Variants in UCK2 observed in about 807,000 individuals in gnomAD.
UCK2 encodes the protein uridine-cytidine kinase 2, also known as cytidine monophosphokinase 2.
Under a neutral mutation model 30.8 loss-of-function variants are expected in UCK2, and 6 were observed. That is an observed-to-expected ratio of 0.19 (90% CI 0.11 to 0.38). The LOEUF is 0.38. Ranked by LOEUF, UCK2 falls within the 10% of genes least tolerant of loss-of-function variation. UCK2 has a pLI of 1.00. For synonymous variants in UCK2, 125 were observed against 133.6 expected (o/e 0.94, Z 0.45); for missense variants, 210 against 339.8 (o/e 0.62, Z 3.00).
intron 1 of UCK2, among the ~76,000 whole-genome samples, chr1:165,847,800 T>C (rs1557834566): frequency 6.6e-6 from 1 of 152,146 alleles, no homozygotes; most frequent in Non-Finnish European, 1.5e-5. Flanking sequence ...GTTTTTTCTT[T>C]GTTTGTTTTT....
rs928143092 is a variant in UCK2 at position 165,848,680 on chromosome 1, C to T, written c.99+20748C>T. 7.3e-5 allele frequency among the ~76,000 whole-genome samples: 11 copies of T among 151,532 alleles called. No individual in the cohort carries two copies. The East Asian group carries it at 2.1e-3, about 29-fold the overall frequency. Reference sequence around the variant, plus strand: ...CACACCCACACACACACACACACCCCCAAAAACCCCCTGAGCTTTACATCC... The same window carrying T: ...CACACCCACACACACACACACACCCTCAAAAACCCCCTGAGCTTTACATCC... On this transcript the variant is annotated intron_variant, in intron 1 of 6. Transcript: ENST00000367879.
chr1:165,896,423 T>C, intron 4 of UCK2, 91 bp downstream of exon 4: 1 of 1,486,988 alleles, frequency 6.7e-7, no homozygotes, highest in Non-Finnish European at 9.2e-7. Flanking sequence ...CCCGCCTGAG[T>C]CTGAAGCCCA....
chr1:165,827,954 C>T (rs748198744), intron 1 of UCK2, 22 bp downstream of exon 1: 47 of 1,318,068 alleles, frequency 3.6e-5, no homozygotes, highest in Non-Finnish European at 4.3e-5. Flanking sequence ...CCCGGAGCCG[C>T]GCTCCCTTCC....
intron 6 of UCK2, among the ~76,000 whole-genome samples, chr1:165,907,432 A>C (rs1389405902): frequency 1.3e-5 from 2 of 152,142 alleles, no homozygotes; most frequent in Non-Finnish European, 2.9e-5. Flanking sequence ...TAAGAAGCCC[A>C]TTCATTAAGG....
rs371535692 is a variant in UCK2 at position 165,871,591 on chromosome 1, A to G, written c.100-18613A>G. ...AGCCTGGCCTGCCTTTTCAGGGTTC[A>G]AGGAGCTGCTGGATTGGTGCCCTCT... On this transcript the variant is annotated intron_variant, in intron 1 of 6. Coordinates refer to ENST00000367879, the MANE Select transcript of UCK2 (RefSeq NM_012474.5). Among the ~76,000 whole-genome samples, 15 of 152,248 alleles carry G rather than the reference A, an allele frequency of 9.9e-5. No homozygotes were observed. In the East Asian group the frequency reaches 2.9e-3, roughly 29 times the overall value.
At chr1:165,838,177 T>C (rs969349167) in intron 1 of UCK2, among the ~76,000 whole-genome samples, 4 of 152,240 alleles carry the variant, frequency 2.6e-5, no homozygotes, top group African/African-American at 9.6e-5. Context: ...CATCATCATC[T>C]GTCAGTTGCA....
intron 3 of UCK2, chr1:165,895,569 C>T: frequency 1.0e-6 from 1 of 985,430 alleles, no homozygotes; most frequent in Non-Finnish European, 1.2e-6. Context: ...GACCTGTGGC[C>T]ACTTTGTTGG....
At chr1:165,839,954 C>A (rs1027487724) in intron 1 of UCK2, among the ~76,000 whole-genome samples, 5 of 151,976 alleles carry the variant, frequency 3.3e-5, no homozygotes, top group African/African-American at 1.2e-4. Context: ...CAGACAGAGT[C>A]CTGCTGTGCT....
At chr1:165,901,325 G>GC (rs1647455346) in intron 4 of UCK2, among the ~76,000 whole-genome samples, 1 of 152,196 alleles carries the variant, frequency 6.6e-6, no homozygotes, top group African/African-American at 2.4e-5. Context: ...CATCATTAGT[G>GC]CCCAGCTTTC....
chr1:165,851,134 C>T lies in UCK2; in HGVS notation c.99+23202C>T, dbSNP rs530796569. Among the ~76,000 whole-genome samples, 3 of 152,138 alleles carry T rather than the reference C, an allele frequency of 2.0e-5. No homozygotes were observed. In the East Asian group the frequency reaches 5.8e-4, roughly 29 times the overall value. ...GGGAAGGCAGACTGGAGATTCTGCT[C>T]CCCCTGTTATCTCTGTCTTGTCTTT... On this transcript the variant is annotated intron_variant, in intron 1 of 6. Coordinates refer to ENST00000367879, the MANE Select transcript of UCK2 (RefSeq NM_012474.5).
chr1:165,867,574 T>C (rs1655077835), intron 1 of UCK2, among the ~76,000 whole-genome samples: 1 of 152,244 alleles, frequency 6.6e-6, no homozygotes, highest in African/African-American at 2.4e-5. Context: ...CCCACAGCAT[T>C]TTCAGCATTA....
intron 2 of UCK2, chr1:165,890,863 A>T: frequency 3.8e-6 from 1 of 261,592 alleles, no homozygotes; most frequent in Non-Finnish European, 7.4e-6. Context: ...AAACCTGGGC[A>T]TGGTGCCTAT....
chr1:165,880,554 GT>G (rs372981833), intron 1 of UCK2, among the ~76,000 whole-genome samples: 49 of 97,222 alleles, frequency 5.0e-4, no homozygotes, highest in African/African-American at 1.8e-3. Context: ...GATCCATTCA[GT>G]TTTTTTTGGG....
intron 1 of UCK2, among the ~76,000 whole-genome samples, chr1:165,870,775 A>G (rs1403247062): frequency 7.5e-6 from 1 of 133,892 alleles, no homozygotes. Context: ...TCAGTTATAT[A>G]TGTGTTATTA....
At chr1:165,892,378 C>T (rs1655793163) in intron 3 of UCK2, among the ~76,000 whole-genome samples, 1 of 152,002 alleles carries the variant, frequency 6.6e-6, no homozygotes, top group African/African-American at 2.4e-5. Context: ...ACAAAATAGT[C>T]CCCACTGACT....
chr1:165,852,577 G>T (rs1292221398), intron 1 of UCK2, among the ~76,000 whole-genome samples: 1 of 152,242 alleles, frequency 6.6e-6, no homozygotes, highest in African/African-American at 2.4e-5. Flanking sequence ...GGATGCTGAC[G>T]AGACTGTGGA....
intron 4 of UCK2, among the ~76,000 whole-genome samples, chr1:165,898,547 A>G (rs1647351054): frequency 6.6e-6 from 1 of 152,164 alleles, no homozygotes; most frequent in Non-Finnish European, 1.5e-5. Flanking sequence ...TGATGCCATC[A>G]CTAGTCCAGC....
chr1:165,890,143 C>T, intron 1 of UCK2, 61 bp from the exon 2 acceptor site: 3 of 1,587,492 alleles, frequency 1.9e-6, no homozygotes, highest in South Asian at 1.1e-5. Flanking sequence ...ACTCTCGGGA[C>T]TTCCTCTGTA....
intron 1 of UCK2, among the ~76,000 whole-genome samples, chr1:165,849,581 G>A (rs1654540557): frequency 1.3e-5 from 2 of 152,176 alleles, no homozygotes; most frequent in South Asian, 4.1e-4. Context: ...CAGTGCTAGG[G>A]CACTAATTAT....
Sources: gnomAD v4.1 joint callset for allele counts (sites outside exome capture counted in the v4.1 genomes callset) on GRCh38, gnomAD v4.1.1 for gene constraint, MANE v1.5 for transcripts, NCBI Gene and HGNC (gene_info 2026-07-23, HGNC 2026-07-21) for gene names.